The following TGFA variants were observed in gnomAD, a reference collection of about 807,000 sequenced individuals.
TGFA encodes transforming growth factor alpha, also known as protransforming growth factor alpha.
TGFA carries 12 observed loss-of-function variants against 21.7 expected under a neutral mutation model. The ratio of observed to expected loss-of-function variants is 0.55; its 90% CI spans 0.35 to 0.90. The LOEUF (loss-of-function observed/expected upper bound fraction) is 0.90, where lower values mean the gene tolerates loss of function less well. TGFA is among the 40% of genes least tolerant of loss of function. The probability of loss-of-function intolerance (pLI) is 0.01; values close to 1 mark genes in which losing one functional copy is unlikely to be tolerated. For missense variants in TGFA, 178 were observed against 210.8 expected, an observed-to-expected ratio of 0.84 and a Z score of 0.96; for synonymous variants, 79 against 88.1, an observed-to-expected ratio of 0.90 and a Z score of 0.58.
At chr2:70,521,613 G>GTTTTGT (rs59567780) in intron 1 of TGFA, among the ~76,000 whole-genome samples, 1 of 74,052 alleles carries the variant, frequency 1.4e-5, no homozygotes, top group African/African-American at 4.2e-5. Context: ...GTTGTTGTTT[G>GTTTTGT]TTTGTTTTTT....
At chr2:70,529,932 C>T (rs1672766886) in intron 1 of TGFA, among the ~76,000 whole-genome samples, 1 of 152,184 alleles carries the variant, frequency 6.6e-6, no homozygotes, top group African/African-American at 2.4e-5. Context: ...TAGAATATAA[C>T]AGAAACAGAG....
intron 1 of TGFA, among the ~76,000 whole-genome samples, chr2:70,541,339 GA>G (rs1673126556): frequency 6.6e-6 from 1 of 152,068 alleles, no homozygotes; most frequent in South Asian, 2.1e-4. Flanking sequence ...TACTGTAAGC[GA>G]AAAGCAGATT....
chr2:70,489,405 G>A (rs750907858), intron 2 of TGFA, among the ~76,000 whole-genome samples: 4 of 152,248 alleles, frequency 2.6e-5, no homozygotes, highest in Non-Finnish European at 4.4e-5. Context: ...AGACCAGGAT[G>A]TTCTGGGCTG....
chr2:70,450,539 A>G lies in TGFA; in HGVS notation c.*320T>C, dbSNP rs2103648350. 1 of 309,652 alleles carries G rather than the reference A, an allele frequency of 3.2e-6. No homozygotes were observed. Among genetic ancestry groups the G allele is most frequent in the Admixed American group, 4.4e-5 (1 of 22,494 alleles). The allele number at this position is 309,652 out of a possible 1,614,324, so 19.2% of individuals were successfully genotyped here. On this transcript the variant is annotated 3_prime_UTR_variant, in exon 6 of 6. Transcript: ENST00000295400. ...CTGGAATCCATGGCTGGCAGAAGAC[A>G]ACTGCACACATGTGGACTCAGACAC... is the stretch of plus-strand genomic sequence containing the variant.
At chr2:70,502,197 G>A (rs1411290279) in intron 2 of TGFA, among the ~76,000 whole-genome samples, 5 of 152,214 alleles carry the variant, frequency 3.3e-5, no homozygotes, top group African/African-American at 7.2e-5. Context: ...GGAAAGCACC[G>A]AGGGGGTGTG....
chr2:70,515,070 A>C (rs1272140627), intron 1 of TGFA, among the ~76,000 whole-genome samples, 158 bp from the exon 2 acceptor site: 1 of 152,198 alleles, frequency 6.6e-6, no homozygotes, highest in Non-Finnish European at 1.5e-5. Context: ...ATATCAGTGC[A>C]AAATGAGCAC....
intron 1 of TGFA, among the ~76,000 whole-genome samples, chr2:70,536,093 A>C (rs1257768150): frequency 1.3e-5 from 2 of 152,234 alleles, no homozygotes; most frequent in African/African-American, 4.8e-5. Flanking sequence ...ACTGAGGGAG[A>C]CTATGTCAAC....
intron 2 of TGFA, among the ~76,000 whole-genome samples, chr2:70,504,155 T>A (rs1157142409): frequency 6.6e-6 from 1 of 152,002 alleles, no homozygotes; most frequent in Non-Finnish European, 1.5e-5. Flanking sequence ...GACTCATGCC[T>A]GTAATCCCAA....
intron 1 of TGFA, among the ~76,000 whole-genome samples, chr2:70,536,980 TTTTTTC>T (rs200416714): frequency 0.038 from 5,612 of 147,300 alleles, 213 homozygotes; most frequent in East Asian, 0.11. Context: ...TTTTGTTTTC[TTTTTTC>T]TTTTTCTTTT....
chr2:70,470,697 C>T (rs1553493046), intron 2 of TGFA, among the ~76,000 whole-genome samples: 3 of 152,192 alleles, frequency 2.0e-5, no homozygotes, highest in Non-Finnish European at 4.4e-5. Flanking sequence ...GGTGGTCTCG[C>T]TCTGTGTATT....
intron 2 of TGFA, among the ~76,000 whole-genome samples, chr2:70,484,470 G>A (rs1553496265): frequency 6.6e-6 from 1 of 151,976 alleles, no homozygotes; most frequent in Non-Finnish European, 1.5e-5. Flanking sequence ...TGTCATTATT[G>A]AGCCTATTTG....
At chr2:70,451,770 G>T in intron 5 of TGFA, 1 of 702,054 alleles carries the variant, frequency 1.4e-6, no homozygotes, top group South Asian at 1.5e-5. Context: ...GCTGAAAGGA[G>T]ATGTTGAGAG....
At chr2:70,502,507 G>A (rs957881392) in intron 2 of TGFA, among the ~76,000 whole-genome samples, 27 of 151,920 alleles carry the variant, frequency 1.8e-4, no homozygotes, top group African/African-American at 5.8e-4. Flanking sequence ...GCCTGGCTAA[G>A]ACGGGATTTT....
Position 70,516,406 on chromosome 2 carries a change from C to T in TGFA, c.41-1494G>A, listed in dbSNP as rs183543337. 5.4e-3 allele frequency among the ~76,000 whole-genome samples: 827 copies of T among 152,276 alleles called. 2 individuals carry two copies. The highest frequency in any genetic ancestry group is 9.5e-3 in the Non-Finnish European group (647 of 68,030). ...GGAATAGATAAAGCAATCATGCTCCCGATGTTCCTTCCAACCTCTGAAATG... is the reference window on the plus strand; with the variant it reads ...GGAATAGATAAAGCAATCATGCTCCTGATGTTCCTTCCAACCTCTGAAATG... On this transcript the variant is annotated intron_variant, in intron 1 of 5. Coordinates refer to ENST00000295400, the MANE Select transcript of TGFA (RefSeq NM_003236.4).
At chr2:70,531,132 C>T (rs1388491483) in intron 1 of TGFA, among the ~76,000 whole-genome samples, 2 of 152,184 alleles carry the variant, frequency 1.3e-5, no homozygotes, top group East Asian at 1.9e-4. Context: ...GGCAGTGTTC[C>T]TTCTGACTAA....
chr2:70,534,220 G>C (rs1387018278), intron 1 of TGFA, among the ~76,000 whole-genome samples: 1 of 152,224 alleles, frequency 6.6e-6, no homozygotes, highest in Non-Finnish European at 1.5e-5. Flanking sequence ...CTTTTTGTAG[G>C]TTCATGTCAT....
intron 1 of TGFA, among the ~76,000 whole-genome samples, chr2:70,544,994 T>C (rs529879900): frequency 6.6e-6 from 1 of 152,160 alleles, no homozygotes; most frequent in Non-Finnish European, 1.5e-5. Flanking sequence ...TAATTTTATA[T>C]TTTAAAATAG....
At chr2:70,504,475 T>TATATATATATATAC (rs1559124137) in intron 2 of TGFA, among the ~76,000 whole-genome samples, 10 of 83,856 alleles carry the variant, frequency 1.2e-4, no homozygotes, top group Non-Finnish European at 2.3e-4. Context: ...CACACATACA[T>TATATATATATATAC]ACATACATAC....
chr2:70,529,295 A>G (rs1407105223), intron 1 of TGFA, among the ~76,000 whole-genome samples: 4 of 152,228 alleles, frequency 2.6e-5, no homozygotes, highest in Admixed American at 2.0e-4. Flanking sequence ...GAACTACAGA[A>G]GACAACACTT....
Sources: allele counts gnomAD v4.1 joint callset (sites outside exome capture counted in the v4.1 genomes callset), GRCh38; gene constraint gnomAD v4.1.1; transcripts MANE v1.5; gene names NCBI Gene and HGNC (gene_info 2026-07-23, HGNC 2026-07-21).